The following SUPT7L variants were observed in gnomAD, a reference collection of about 807,000 sequenced individuals.
The protein encoded by SUPT7L is STAGA complex 65 subunit gamma.
Under a neutral mutation model 35.7 loss-of-function variants are expected in SUPT7L, and 15 were observed. The observed-to-expected ratio is 0.42, with a 90% CI of 0.28 to 0.65. The LOEUF is 0.65. Ranked by LOEUF, SUPT7L falls within the 30% of genes least tolerant of loss-of-function variation. The pLI is 0.23. For missense variants in SUPT7L, 434 were observed against 522.2 expected (o/e 0.83, Z 1.65); for synonymous variants, 168 against 186.2 (o/e 0.90, Z 0.79).
chr2:27,660,697 G>A (rs1358560714), intron 3 of SUPT7L, among the ~76,000 whole-genome samples: 1 of 151,980 alleles, frequency 6.6e-6, no homozygotes, highest in Non-Finnish European at 1.5e-5. Flanking sequence ...TAGATCCTAA[G>A]AACTATGAGG....
At chr2:27,661,744 A>G (rs1371654286) in intron 2 of SUPT7L, 3 of 634,580 alleles carry the variant, frequency 4.7e-6, no homozygotes, top group Non-Finnish European at 6.7e-6. Flanking sequence ...TAGTATCCCT[A>G]TTTCCCATCT....
At chr2:27,646,553 AT>A (rs1674243127), downstream of SUPT7L, among the ~76,000 whole-genome samples, 1 of 151,918 alleles carries the variant, frequency 6.6e-6, no homozygotes, top group Non-Finnish European at 1.5e-5. Context: ...GTTAGTTTTC[AT>A]TTACAGCCCA....
downstream of SUPT7L, among the ~76,000 whole-genome samples, chr2:27,649,122 G>A (rs1254010958): frequency 6.6e-6 from 1 of 151,848 alleles, no homozygotes; most frequent in Non-Finnish European, 1.5e-5. Context: ...GCAGGCACCT[G>A]TAATCCCAGC....
intron 2 of SUPT7L, 168 bp downstream of exon 2, chr2:27,662,011 C>T (rs1569152): frequency 1 from 834,310 of 836,292 alleles, 416,192 homozygotes; most frequent in East Asian, 1. Flanking sequence ...TGCCTTCTAA[C>T]TGGTATCCCT....
Position 27,655,357 on chromosome 2 carries a change from T to C in SUPT7L, c.982+8A>G. 1.3e-6 allele frequency: 2 copies of C among 1,529,516 alleles called. No individual in the cohort carries two copies. Among genetic ancestry groups the C allele is most frequent in the Non-Finnish European group, 8.8e-7 (1 of 1,140,358 alleles). 94.7% of individuals were successfully genotyped at this position (1,529,516 alleles called of 1,614,324 possible). A position where few individuals can be genotyped will look rare whatever the true frequency, so the allele number is the denominator to read the frequency against. ...CAGAATCAAAGTGAGTAAGTTTATT[T>C]GTCTTACTTGAAGCCTGTGGTGAAG... is the stretch of plus-strand genomic sequence containing the variant. On this transcript the variant is annotated splice_region_variant and intron_variant, in intron 5 of 5. Coordinates refer to ENST00000337768, the MANE Select transcript of SUPT7L (RefSeq NM_014860.3).
At chr2:27,642,977 A>ACG in the SUPT7L span, among the ~76,000 whole-genome samples, 4 of 151,216 alleles carry the variant, frequency 2.6e-5, no homozygotes, top group Non-Finnish European at 4.4e-5. Context: ...ACACACACAC[A>ACG]CACACACACA....
chr2:27,652,562 T>A lies in SUPT7L; in HGVS notation c.*923A>T, dbSNP rs1027796606. ...TGATGGATGAGTAACCACAGTGATGTTGTTCAGGACATGATGTAAAGTTGA... is the reference window on the plus strand; with the variant it reads ...TGATGGATGAGTAACCACAGTGATGATGTTCAGGACATGATGTAAAGTTGA... On this transcript the variant is annotated 3_prime_UTR_variant, in exon 6 of 6. Transcript: ENST00000337768. 1.3e-5 allele frequency: 2 copies of A among 152,686 alleles called. No homozygotes were observed. Among genetic ancestry groups the A allele is most frequent in the African/African-American group, 4.8e-5 (2 of 41,468 alleles). 9.5% of individuals were successfully genotyped at this position (152,686 alleles called of 1,614,324 possible). A position where few individuals can be genotyped will look rare whatever the true frequency, so the allele number is the denominator to read the frequency against.
rs1375642900 is a variant in SUPT7L, at chr2:27,651,755, G to A, written c.*1730C>T. 2.6e-5 allele frequency: 4 copies of A among 152,210 alleles called. No homozygotes were observed. The highest frequency in any genetic ancestry group is 7.2e-5 in the African/African-American group (3 of 41,460). 9.4% of individuals were successfully genotyped at this position (152,210 alleles called of 1,614,324 possible). A position where few individuals can be genotyped will look rare whatever the true frequency, so the allele number is the denominator to read the frequency against. On this transcript the variant is annotated 3_prime_UTR_variant, in exon 6 of 6. Transcript: ENST00000337768. ...ACCTAGCAAATAATTGGTACTCAAT[G>A]TTTGCTGGATGAATGAACTAAATTC...
chr2:27,643,198 T>A, the SUPT7L span, among the ~76,000 whole-genome samples: 1,390 of 142,576 alleles, frequency 9.7e-3, 20 homozygotes, highest in African/African-American at 0.028. The surrounding 1 kb of genome is among the most constrained non-coding windows in gnomAD (Gnocchi z 4.0). Context: ...TTAAAAAAAA[T>A]TTTTTTTTTT....
intron 2 of SUPT7L, chr2:27,661,735 A>T: frequency 1.4e-6 from 1 of 705,404 alleles, no homozygotes; most frequent in Non-Finnish European, 2.0e-6. Context: ...CTGGAGCTCT[A>T]GTATCCCTAT....
chr2:27,655,824 A>G (rs1674778715), intron 4 of SUPT7L, among the ~76,000 whole-genome samples: 1 of 152,232 alleles, frequency 6.6e-6, no homozygotes, highest in South Asian at 2.1e-4. Flanking sequence ...GTCATTAATT[A>G]AAAGTTACAT....
At chr2:27,647,676 A>G (rs1055187018), downstream of SUPT7L, among the ~76,000 whole-genome samples, 1 of 152,278 alleles carries the variant, frequency 6.6e-6, no homozygotes, top group Non-Finnish European at 1.5e-5. Flanking sequence ...GCTATTATAG[A>G]AATGTTAAGT....
intron 5 of SUPT7L, 127 bp from the exon 6 acceptor site, chr2:27,653,874 C>A: frequency 2.4e-6 from 3 of 1,229,002 alleles, no homozygotes; most frequent in Non-Finnish European, 3.4e-6. Context: ...TGATTCTGTA[C>A]TTGGCTGGAG....
chr2:27,645,446 T>C, the SUPT7L span, among the ~76,000 whole-genome samples: 1 of 152,116 alleles, frequency 6.6e-6, no homozygotes, highest in Admixed American at 6.5e-5. Flanking sequence ...ATCAACTTTA[T>C]CTAGTTCCTT....
Position 27,653,684 on chromosome 2 carries a change from C to T in SUPT7L, c.1046G>A (p.Ser349Asn). The stretch of plus-strand genomic sequence containing the variant: ...ATGCCCAGAGACATTGCCTTCTTCA[C>T]TTTCTTGAGGCTCCATTTTCACATG... Reference protein sequence around the residue: ...LAHVKMEPQESEEGNVSGHGV... With the variant: ...LAHVKMEPQENEEGNVSGHGV... The change falls in exon 6 of 6, where the codon AGT (serine) becomes AAT (asparagine). Residue 349 changes from serine to asparagine, a missense_variant. By Grantham distance (46) the Ser-to-Asn change is conservative. Coordinates refer to ENST00000337768, the MANE Select transcript of SUPT7L (RefSeq NM_014860.3). The T allele has an allele frequency of 6.2e-7, 1 of 1,614,190 alleles. No homozygotes were observed. Among genetic ancestry groups the T allele is most frequent in the Non-Finnish European group, 8.5e-7 (1 of 1,180,040 alleles).
chr2:27,655,461 C>T lies in SUPT7L; in HGVS notation c.886G>A (p.Ala296Thr), dbSNP rs201935160. The part of the protein sequence containing the change: ...PVSEELEADL[A>T]SGDQSLPMGV... ...ATAGGCAGTGACTGGTCTCCAGAAG[C>T]AAGGTCAGCCTCCAGCTCCTCACTG... The change falls in exon 5 of 6, where the codon GCT becomes ACT. Residue 296 changes from alanine (A) to threonine (T), a missense_variant. This residue lies in a region of SUPT7L where 159 missense variants were observed against 217.1 expected (regional missense o/e 0.73). Transcript: ENST00000337768. 4.6e-4 allele frequency: 745 copies of T among 1,614,096 alleles called. No individual in the cohort carries two copies. Among genetic ancestry groups the T allele is most frequent in the Non-Finnish European group, 5.6e-4 (665 of 1,179,988 alleles).
At chr2:27,643,777 T>C in the SUPT7L span, among the ~76,000 whole-genome samples, 1 of 152,244 alleles carries the variant, frequency 6.6e-6, no homozygotes, top group Non-Finnish European at 1.5e-5. This position sits in a 1 kb window ranked among gnomAD's most constrained non-coding sequence, Gnocchi z 4.0. Flanking sequence ...ATTGTGTTTT[T>C]TCAAGGAATC....
downstream of SUPT7L, among the ~76,000 whole-genome samples, chr2:27,649,670 T>C (rs1390198043): frequency 6.6e-6 from 1 of 152,230 alleles, no homozygotes; most frequent in Non-Finnish European, 1.5e-5. Context: ...CTCAGTAGTG[T>C]AGTCTCTCCA....
At chr2:27,642,940 G>A in the SUPT7L span, among the ~76,000 whole-genome samples, 1 of 80,712 alleles carries the variant, frequency 1.2e-5, no homozygotes, top group Non-Finnish European at 2.4e-5. Flanking sequence ...AGGAAATGTG[G>A]TTTTATATAT....
Sources: allele counts gnomAD v4.1 joint callset (sites outside exome capture counted in the v4.1 genomes callset), GRCh38; gene constraint gnomAD v4.1.1; regional missense constraint gnomAD v4.1.1; non-coding constraint Gnocchi (gnomAD v3.1); transcripts MANE v1.5; gene names NCBI Gene and HGNC (gene_info 2026-07-23, HGNC 2026-07-21).